CHADL: variants seen among roughly 807,000 people sequenced by gnomAD.
The protein encoded by CHADL is chondroadherin like, also known as chondroadherin-like protein.
Under a neutral mutation model 52.1 loss-of-function variants are expected in CHADL, and 48 were observed. That is an observed-to-expected ratio of 0.92 (90% CI 0.73 to 1.17). The LOEUF (loss-of-function observed/expected upper bound fraction) is 1.17, where lower values mean the gene tolerates loss of function less well. CHADL is among the 50% of genes most tolerant of loss of function. CHADL has a pLI of 0.00. For synonymous variants in CHADL, 498 were observed against 511.2 expected, an observed-to-expected ratio of 0.97 and a Z score of 0.35; for missense variants, 977 against 1,035.1, an observed-to-expected ratio of 0.94 and a Z score of 0.77.
At chr22:41,232,089 T>C (rs977076369) in intron 5 of CHADL, among the ~76,000 whole-genome samples, 34 of 152,134 alleles carry the variant, frequency 2.2e-4, no homozygotes, top group African/African-American at 6.0e-4. Context: ...TCCCAGCACT[T>C]TGGGAGGCCA....
Position 41,237,708 on chromosome 22 carries a change from T to G in CHADL, c.1364A>C (p.His455Pro). 1 of 1,541,578 alleles carries G rather than the reference T, an allele frequency of 6.5e-7. No homozygotes were observed. The highest frequency in any genetic ancestry group is 8.8e-7 in the Non-Finnish European group (1 of 1,142,548). Reference protein sequence around the residue: ...FPGLGHLVSLHLQHCGIAELE... With the variant: ...FPGLGHLVSLPLQHCGIAELE... ...CTCCGCGATGCCGCAGTGCTGCAGG[T>G]GCAGCGACACCAGGTGGCCCAGGCC... Residue 455 changes from histidine (H) to proline (P), a missense_variant, in exon 3 of 6, where the codon CAC becomes CCC. Coordinates refer to ENST00000216241, the MANE Select transcript of CHADL (RefSeq NM_138481.2).
In CHADL at chr22:41,229,556, C is replaced by A. The variant is rs368615426; in HGVS notation, c.*148G>T. The A allele has an allele frequency of 1.1e-5, 18 of 1,611,554 alleles. No homozygotes were observed. In the African/African-American group the frequency reaches 2.1e-4, roughly 19 times the overall value. ...TATTCAAAGGGAAAAGAATCCCGCC[C>A]ACTAAGACGCGACCCCTCAGACAGG... On this transcript the variant is annotated 3_prime_UTR_variant, in exon 6 of 6. Transcript: ENST00000216241.
At chr22:41,236,366 GC>G in intron 4 of CHADL, 117 bp downstream of exon 4, 1 of 892,804 alleles carries the variant, frequency 1.1e-6, no homozygotes, top group Non-Finnish European at 1.7e-6. Context: ...CACAGGACCC[GC>G]CCCTCCCCAC....
chr22:41,238,525 G>T lies in CHADL; in HGVS notation c.547C>A (p.Arg183Ser). Residue 183 changes from arginine (R) to serine (S), a missense_variant, in exon 3 of 6, where the codon CGC becomes AGC. Transcript: ENST00000216241. This position sits in a 1 kb window ranked among gnomAD's most constrained non-coding sequence, Gnocchi z 4.9. ...LPAMAFQGLL[R>S]VRWLRLSHNA... ...TGCGACAGCCGCAGCCAGCGGACGC[G>T]CAGTAGCCCCTGGAAGGCCATGGCG... 3 of 1,544,300 alleles carry T rather than the reference G, an allele frequency of 1.9e-6. No individual in the cohort carries two copies. The highest frequency in any genetic ancestry group is 2.6e-6 in the Non-Finnish European group (3 of 1,145,802).
chr22:41,240,757 G>T, intron 1 of CHADL, 117 bp downstream of exon 1: 2 of 1,253,242 alleles, frequency 1.6e-6, no homozygotes, highest in Non-Finnish European at 1.1e-6. Context: ...AGAACCCCAG[G>T]AAGTCCCCAG....
In CHADL at chr22:41,238,988, A is replaced by G. The variant is rs377423235; in HGVS notation, c.187-103T>C. ...ACTCTTTTCTCCTGTCACCTTTCCC[A>G]TATTTCTCTTCATCCGACCCCTGAC... On this transcript the variant is annotated intron_variant, in intron 2 of 5. Coordinates refer to ENST00000216241, the MANE Select transcript of CHADL (RefSeq NM_138481.2). This position sits in a 1 kb window ranked among gnomAD's most constrained non-coding sequence, Gnocchi z 4.9. 26 of 1,399,138 alleles carry G rather than the reference A, an allele frequency of 1.9e-5. 2 individuals are homozygous for G. In the South Asian group the frequency reaches 3.2e-4, roughly 17 times the overall value. The allele number at this position is 1,399,138 out of a possible 1,614,324, so 86.7% of individuals were successfully genotyped here. A position where few individuals can be genotyped will look rare whatever the true frequency, so the allele number is the denominator to read the frequency against.
At position 41,237,403 on chromosome 22, in the gene CHADL, T is replaced by C; in HGVS notation, c.1669A>G (p.Ile557Val). Residue 557 changes from isoleucine to valine, a missense_variant, in exon 3 of 6, where the codon ATC becomes GTC. Transcript: ENST00000216241. ...AGCGCCCCAAGGGACACTTCGGTGA[T>C]GCGGTTTCCACTCAGGTAGACCCAG... The part of the protein sequence containing the change: ...LRWVYLSGNR[I>V]TEVSLGALGP... The C allele has an allele frequency of 6.4e-7, 1 of 1,550,642 alleles. No homozygotes were observed. Among genetic ancestry groups the C allele is most frequent in the Non-Finnish European group, 8.7e-7 (1 of 1,146,970 alleles).
chr22:41,239,720 C>G, intron 1 of CHADL, 100 bp from the exon 2 acceptor site: 1 of 1,089,826 alleles, frequency 9.2e-7, no homozygotes, highest in Non-Finnish European at 1.3e-6. Context: ...CCAAAAACCC[C>G]TCAGAGCCTC....
chr22:41,230,023 A>C (rs2032475714), intron 5 of CHADL: 1 of 759,310 alleles, frequency 1.3e-6, no homozygotes. Flanking sequence ...CTGGAGGGTG[A>C]AGGTGCATCC....
chr22:41,234,624 G>A (rs1421347969), intron 5 of CHADL, among the ~76,000 whole-genome samples: 1 of 151,236 alleles, frequency 6.6e-6, no homozygotes, highest in East Asian at 1.9e-4. Context: ...TGAGATCTCC[G>A]CTCACTGCAA....
rs1428765227 is a variant in CHADL, at chr22:41,237,993, TC to T, written c.1078del (p.Asp360ThrfsTer73). ...CAGCTCTTCCTCTTCCTGCGCCGCG[TC>T]CCCAGGGCAGCGCAGGTCCCAGGGC... ...LRPWDLRCPG[D>X]AAQEEEELEE... On this transcript the variant is annotated frameshift_variant, in exon 3 of 6. Coordinates refer to ENST00000216241, the MANE Select transcript of CHADL (RefSeq NM_138481.2). LOFTEE classifies it high-confidence loss of function. 1 of 1,258,524 alleles carries T rather than the reference TC, an allele frequency of 7.9e-7. No individual in the cohort carries two copies. Among genetic ancestry groups the T allele is most frequent in the Non-Finnish European group, 9.9e-7 (1 of 1,006,738 alleles). The allele number at this position is 1,258,524 out of a possible 1,614,324, so 78.0% of individuals were successfully genotyped here.
intron 5 of CHADL, among the ~76,000 whole-genome samples, chr22:41,233,375 T>C (rs375516988): frequency 1.3e-5 from 2 of 151,220 alleles, no homozygotes; most frequent in African/African-American, 4.9e-5. Flanking sequence ...GGCAGGAGAG[T>C]CGCTTGAACC....
Position 41,237,323 on chromosome 22 carries a change from C to T in CHADL, c.1749G>A (p.Glu583=), listed in dbSNP as rs2032762258. Reference sequence around the variant, plus strand: ...GCCCCTCCAAGGCCCCAGTGGGCACCTCTCGCAGCTGATTCCTGTCCAGGT... The same window carrying T: ...GCCCCTCCAAGGCCCCAGTGGGCACTTCTCGCAGCTGATTCCTGTCCAGGT... The part of the protein sequence containing the change: ...KLHLDRNQLR[E]VPTGALEGLP... Residue 583 remains glutamate (E), a synonymous_variant, in exon 3 of 6, where the codon GAG becomes GAA. Coordinates refer to ENST00000216241, the MANE Select transcript of CHADL (RefSeq NM_138481.2). 2.6e-6 allele frequency: 4 copies of T among 1,550,666 alleles called. No individual in the cohort carries two copies. Among genetic ancestry groups the T allele is most frequent in the African/African-American group, 1.4e-5 (1 of 73,184 alleles).
chr22:41,229,526 A>G lies in CHADL; in HGVS notation c.*178T>C, dbSNP rs1357143313. ...CAACCCTAATGCTGGGTTTGAATCCATTTTTATTCAAAGGGAAAAGAATCC... is the reference window on the plus strand; with the variant it reads ...CAACCCTAATGCTGGGTTTGAATCCGTTTTTATTCAAAGGGAAAAGAATCC... On this transcript the variant is annotated 3_prime_UTR_variant, in exon 6 of 6. Coordinates refer to ENST00000216241, the MANE Select transcript of CHADL (RefSeq NM_138481.2). 6.2e-7 allele frequency: 1 copy of G among 1,605,108 alleles called. No homozygotes were observed. The highest frequency in any genetic ancestry group is 8.5e-7 in the Non-Finnish European group (1 of 1,173,406).
chr22:41,238,355 G>T lies in CHADL; in HGVS notation c.717C>A (p.His239Gln). The T allele has an allele frequency of 6.6e-7, 1 of 1,506,898 alleles. No individual in the cohort carries two copies. Among genetic ancestry groups the T allele is most frequent in the Non-Finnish European group, 8.8e-7 (1 of 1,134,368 alleles). 93.3% of individuals were successfully genotyped at this position (1,506,898 alleles called of 1,614,324 possible). Residue 239 changes from histidine (H) to glutamine (Q), a missense_variant, in exon 3 of 6, where the codon CAC (histidine) becomes CAA (glutamine). Transcript: ENST00000216241. The surrounding 1 kb of genome is among the most constrained non-coding windows in gnomAD (Gnocchi z 4.9). ...ARGLARLELGHNPLTYAGEED... is the reference protein window; with the variant it reads ...ARGLARLELGQNPLTYAGEED... The stretch of plus-strand genomic sequence containing the variant: ...CCTCGCCCGCGTAGGTGAGCGGGTT[G>T]TGGCCCAGCTCCAGACGGGCCAGGC...
In CHADL at chr22:41,237,264, T is replaced by C. The variant is rs549415902; in HGVS notation, c.1808A>G (p.Asn603Ser). 151 of 1,550,440 alleles carry C rather than the reference T, an allele frequency of 9.7e-5. 1 individual carries two copies. The Middle Eastern group carries it at 1.5e-3, about 16-fold the overall frequency. ...PALLELQLSG[N>S]PLRALRDGAF... Reference sequence around the variant, plus strand: ...TCCGTCACGCAAGGCCCTGAGTGGGTTGCCCGAGAGCTGCAGCTCCAGGAG... The same window carrying C: ...TCCGTCACGCAAGGCCCTGAGTGGGCTGCCCGAGAGCTGCAGCTCCAGGAG... Residue 603 changes from asparagine (N) to serine (S), a missense_variant, in exon 3 of 6, where the codon AAC becomes AGC. Physicochemically the swap from Asn to Ser is conservative, Grantham distance 46. Coordinates refer to ENST00000216241, the MANE Select transcript of CHADL (RefSeq NM_138481.2).
At position 41,237,643 on chromosome 22, in the gene CHADL, A is replaced by T; in HGVS notation, c.1429T>A (p.Tyr477Asn). Residue 477 changes from tyrosine (Y) to asparagine (N), a missense_variant, in exon 3 of 6, where the codon TAC becomes AAC. By Grantham distance (143) the Tyr-to-Asn change is moderately radical (BLOSUM62 -2). Transcript: ENST00000216241. ...AGCTGGTTGTCGGAGAGGTACAGGT[A>T]GATCAGGCGGCCCAGCCCGGCCAGG... ...GALAGLGRLIYLYLSDNQLAG... is the reference protein window; with the variant it reads ...GALAGLGRLINLYLSDNQLAG... The T allele has an allele frequency of 6.5e-7, 1 of 1,548,258 alleles. No homozygotes were observed. The highest frequency in any genetic ancestry group is 1.4e-5 in the African/African-American group (1 of 73,130).
rs773788327 is a variant in CHADL at position 41,229,582 on chromosome 22, G to A, written c.*122C>T. Reference sequence around the variant, plus strand: ...ACTAAGACGCGACCCCTCAGACAGGGGTCCAAGAAGCCCCTGCTGGAGGAC... The same window carrying A: ...ACTAAGACGCGACCCCTCAGACAGGAGTCCAAGAAGCCCCTGCTGGAGGAC... On this transcript the variant is annotated 3_prime_UTR_variant, in exon 6 of 6. Coordinates refer to ENST00000216241, the MANE Select transcript of CHADL (RefSeq NM_138481.2). The A allele has an allele frequency of 6.8e-6, 11 of 1,613,396 alleles. No individual in the cohort carries two copies. The highest frequency in any genetic ancestry group is 8.5e-6 in the Non-Finnish European group (10 of 1,179,560).
intron 3 of CHADL, 124 bp from the exon 4 acceptor site, chr22:41,236,774 G>C: frequency 1.0e-6 from 1 of 984,416 alleles, no homozygotes. Flanking sequence ...GGTCCAGCCA[G>C]GAAGTGCAGC....
Sources: gnomAD v4.1 joint callset for allele counts (sites outside exome capture counted in the v4.1 genomes callset) on GRCh38, gnomAD v4.1.1 for gene constraint, Gnocchi (gnomAD v3.1) non-coding constraint, MANE v1.5 for transcripts, NCBI Gene and HGNC (gene_info 2026-07-23, HGNC 2026-07-21) for gene names.